MARCHF1: variants seen among roughly 807,000 people sequenced by gnomAD.
MARCHF1 encodes E3 ubiquitin-protein ligase MARCHF1.
A neutral mutation model predicts 54.2 loss-of-function variants in MARCHF1; 40 were observed. That is an observed-to-expected ratio of 0.74 (90% CI 0.57 to 0.96). The LOEUF is 0.96. MARCHF1 is among the 40% of genes least tolerant of loss of function. MARCHF1 has a pLI of 0.00. For missense variants in MARCHF1, 586 were observed against 656.5 expected (o/e 0.89, Z 1.17); for synonymous variants, 236 against 236.3 (o/e 1.00, Z 0.01).
chr4:164,374,012 A>G (rs909672705), intron 1 of MARCHF1, among the ~76,000 whole-genome samples: 1 of 152,242 alleles, frequency 6.6e-6, no homozygotes, highest in Non-Finnish European at 1.5e-5. Context: ...ATAGTTGATA[A>G]CCAACAATTT....
At chr4:163,910,221 G>A (rs72685674) in intron 3 of MARCHF1, among the ~76,000 whole-genome samples, 15,898 of 151,964 alleles carry the variant, frequency 0.1, 883 homozygotes, top group Non-Finnish European at 0.13. Context: ...ACATATTTTA[G>A]GCTTGGTGGG....
chr4:163,938,303 A>G (rs1234806399), intron 3 of MARCHF1, among the ~76,000 whole-genome samples: 1 of 152,198 alleles, frequency 6.6e-6, no homozygotes, highest in African/African-American at 2.4e-5. Flanking sequence ...CCACAATACA[A>G]TCTCGATCCA....
intron 4 of MARCHF1, among the ~76,000 whole-genome samples, chr4:163,829,718 C>T (rs1451384886): frequency 6.6e-6 from 1 of 152,072 alleles, no homozygotes; most frequent in East Asian, 1.9e-4. Flanking sequence ...CTGTTTCTGC[C>T]AGCATTACTT....
At chr4:163,707,007 T>A (rs1461160258) in intron 4 of MARCHF1, among the ~76,000 whole-genome samples, 1 of 152,066 alleles carries the variant, frequency 6.6e-6, no homozygotes, top group Admixed American at 6.6e-5. Flanking sequence ...TGAGGATAGT[T>A]GATACAATAA....
intron 4 of MARCHF1, among the ~76,000 whole-genome samples, chr4:163,770,591 C>T (rs1747129838): frequency 6.7e-6 from 1 of 149,822 alleles, no homozygotes; most frequent in Admixed American, 6.7e-5. Context: ...CCCACATGCA[C>T]TCACGTAATA....
chr4:163,983,009 A>G (rs980876208), intron 3 of MARCHF1, among the ~76,000 whole-genome samples: 1 of 152,198 alleles, frequency 6.6e-6, no homozygotes, highest in African/African-American at 2.4e-5. Context: ...AAATCACATG[A>G]CTGAGAATGG....
chr4:163,829,511 AACGTCAAAATTC>A (rs1256371373), intron 4 of MARCHF1, among the ~76,000 whole-genome samples: 1 of 152,154 alleles, frequency 6.6e-6, no homozygotes, highest in Non-Finnish European at 1.5e-5. Flanking sequence ...CAGAGCAAGA[AACGTCAAAATTC>A]AGGAGTTGCC....
At chr4:163,716,912 A>C (rs1331744648) in intron 4 of MARCHF1, among the ~76,000 whole-genome samples, 1 of 152,194 alleles carries the variant, frequency 6.6e-6, no homozygotes, top group African/African-American at 2.4e-5. Context: ...GGTTAATAAT[A>C]CATATTAATT....
intron 7 of MARCHF1, among the ~76,000 whole-genome samples, chr4:163,592,266 T>TA (rs1250806175): frequency 3.3e-5 from 5 of 152,188 alleles, no homozygotes; most frequent in Non-Finnish European, 2.9e-5. Context: ...TCTTCATACA[T>TA]ATGTGATTTT....
intron 2 of MARCHF1, among the ~76,000 whole-genome samples, chr4:164,052,069 C>A (rs1038579772): frequency 4.6e-5 from 7 of 151,272 alleles, no homozygotes; most frequent in Non-Finnish European, 1.0e-4. Flanking sequence ...TATCTTATTT[C>A]TACTATTAAA....
At chr4:164,140,100 A>C (rs923125113) in intron 1 of MARCHF1, among the ~76,000 whole-genome samples, 1 of 151,980 alleles carries the variant, frequency 6.6e-6, no homozygotes, top group Non-Finnish European at 1.5e-5. Context: ...AATAGCACCA[A>C]TATTTCTCTC....
intron 2 of MARCHF1, among the ~76,000 whole-genome samples, chr4:164,080,285 A>G (rs951677837): frequency 2.6e-5 from 4 of 152,244 alleles, no homozygotes; most frequent in African/African-American, 9.6e-5. Flanking sequence ...TGGCGAGACC[A>G]GCAGAAGCAG....
chr4:164,229,236 A>C (rs1732341854), intron 1 of MARCHF1, among the ~76,000 whole-genome samples: 1 of 152,196 alleles, frequency 6.6e-6, no homozygotes. Flanking sequence ...AATTGTTTTT[A>C]ACGATGAATA....
Position 163,993,213 on chromosome 4 carries a change from A to C in MARCHF1, c.-247-4504T>G, listed in dbSNP as rs533031817. Among the ~76,000 whole-genome samples, 209 of 152,256 alleles carry C rather than the reference A, an allele frequency of 1.4e-3. 4 individuals carry two copies. The highest frequency in any genetic ancestry group is 0.01 in the Middle Eastern group (3 of 294). Reference sequence around the variant, plus strand: ...ATGAGAGGGAGTATAAAACGGAAAAATAATTAACATTTCTGGTTATGTGTT... The same window carrying C: ...ATGAGAGGGAGTATAAAACGGAAAACTAATTAACATTTCTGGTTATGTGTT... On this transcript the variant is annotated intron_variant, in intron 2 of 9. Coordinates refer to ENST00000514618, the MANE Select transcript of MARCHF1 (RefSeq NM_001394959.1).
At chr4:163,635,442 A>G (rs951997884) in intron 5 of MARCHF1, among the ~76,000 whole-genome samples, 127 of 149,970 alleles carry the variant, frequency 8.5e-4, no homozygotes, top group Non-Finnish European at 1.6e-3. Context: ...AATACAAACT[A>G]CCATCAGAGA....
At chr4:164,134,217 TTAC>T (rs757348385) in intron 1 of MARCHF1, among the ~76,000 whole-genome samples, 17 of 152,166 alleles carry the variant, frequency 1.1e-4, no homozygotes, top group African/African-American at 4.1e-4. Context: ...TCCAAACACA[TTAC>T]TACAAGAGGG....
intron 1 of MARCHF1, among the ~76,000 whole-genome samples, chr4:164,351,861 G>A (rs1435666182): frequency 6.6e-6 from 1 of 151,460 alleles, no homozygotes; most frequent in Admixed American, 6.6e-5. Flanking sequence ...TGAAAACTTT[G>A]AAAAAAATTT....
intron 1 of MARCHF1, among the ~76,000 whole-genome samples, chr4:164,241,963 G>T (rs899232654): frequency 6.6e-6 from 1 of 152,206 alleles, no homozygotes; most frequent in Non-Finnish European, 1.5e-5. Flanking sequence ...CCCACACCTG[G>T]CTCGGAGGGT....
At chr4:164,280,205 T>C (rs1010941356) in intron 1 of MARCHF1, among the ~76,000 whole-genome samples, 15 of 152,018 alleles carry the variant, frequency 9.9e-5, no homozygotes, top group African/African-American at 3.6e-4. Flanking sequence ...AACTTTAATT[T>C]ATTATTGTTC....
Sources: gnomAD v4.1 joint callset for allele counts (sites outside exome capture counted in the v4.1 genomes callset) on GRCh38, gnomAD v4.1.1 for gene constraint, MANE v1.5 for transcripts, NCBI Gene and HGNC (gene_info 2026-07-23, HGNC 2026-07-21) for gene names.